Variants in CDH6 observed in about 807,000 individuals in gnomAD.
The protein encoded by CDH6 is cadherin 6.
In CDH6, 31 loss-of-function variants were observed where a neutral mutation model predicts 78.0. That is an observed-to-expected ratio of 0.40 (90% CI 0.30 to 0.54). The LOEUF (loss-of-function observed/expected upper bound fraction) is 0.54. Ranked by LOEUF, CDH6 falls within the 20% of genes least tolerant of loss-of-function variation. The probability of loss-of-function intolerance (pLI) is 0.56; values close to 1 mark genes in which losing one functional copy is unlikely to be tolerated. For missense variants in CDH6, 724 were observed against 975.9 expected, an observed-to-expected ratio of 0.74 and a Z score of 3.44; for synonymous variants, 376 against 368.8, an observed-to-expected ratio of 1.02 and a Z score of -0.23.
At chr5:31,295,597 G>A (rs367838122) in intron 3 of CDH6, among the ~76,000 whole-genome samples, 13 of 152,214 alleles carry the variant, frequency 8.5e-5, no homozygotes, top group African/African-American at 2.9e-4. Flanking sequence ...ATCCTTAATT[G>A]ATATCTCATT....
intron 3 of CDH6, among the ~76,000 whole-genome samples, chr5:31,296,857 G>T (rs1012982255): frequency 6.6e-6 from 1 of 151,940 alleles, no homozygotes; most frequent in East Asian, 1.9e-4. Context: ...AGCACATTAC[G>T]GTCCAAGAAA....
rs776675807 is a variant in CDH6, at chr5:31,316,286, A to C, written c.1469A>C (p.Glu490Ala). ...DVNDNAPEFA[E>A]FYETFVCEKA... ...AATGACAACGCCCCAGAATTTGCTGAGTTCTATGAAACTTTTGTCTGTGAA... is the reference window on the plus strand; with the variant it reads ...AATGACAACGCCCCAGAATTTGCTGCGTTCTATGAAACTTTTGTCTGTGAA... The change falls in exon 9 of 12, where the codon GAG becomes GCG. Residue 490 changes from glutamate (E) to alanine (A), a missense_variant. This residue lies in a region of CDH6 where 446 missense variants were observed against 684.5 expected (regional missense o/e 0.65). Transcript: ENST00000265071. 11 of 1,613,648 alleles carry C rather than the reference A, an allele frequency of 6.8e-6. No homozygotes were observed. Among genetic ancestry groups the C allele is most frequent in the Non-Finnish European group, 9.3e-6 (11 of 1,179,730 alleles).
In CDH6 at chr5:31,215,707, C is replaced by G. The variant is rs184535572; in HGVS notation, c.-129+21821C>G. On this transcript the variant is annotated intron_variant, in intron 1 of 11. Coordinates refer to ENST00000265071, the MANE Select transcript of CDH6 (RefSeq NM_004932.4). ...AAAGCCTTCACCTGGTACTCACCAG[C>G]AGAGTGAGCCTGAGAAATCTCTTTT... is the stretch of plus-strand genomic sequence containing the variant. Among the ~76,000 whole-genome samples, 36 of 152,254 alleles carry G rather than the reference C, an allele frequency of 2.4e-4. 2 individuals carry two copies. The highest frequency in any genetic ancestry group is 7.7e-4 in the African/African-American group (32 of 41,568).
In CDH6 at chr5:31,199,669, A is replaced by G. The variant is rs866378922; in HGVS notation, c.-129+5783A>G. On this transcript the variant is annotated intron_variant, in intron 1 of 11. Coordinates refer to ENST00000265071, the MANE Select transcript of CDH6 (RefSeq NM_004932.4). Reference sequence around the variant, plus strand: ...TGTGTGTGTGTATGTGTGTGTGTGTATGTGTGTGTGTGTGTGTATATATAT... The same window carrying G: ...TGTGTGTGTGTATGTGTGTGTGTGTGTGTGTGTGTGTGTGTGTATATATAT... Among the ~76,000 whole-genome samples, 176 of 94,214 alleles carry G rather than the reference A, an allele frequency of 1.9e-3. 1 individual carries two copies. Among genetic ancestry groups the G allele is most frequent in the Middle Eastern group, 7.1e-3 (1 of 140 alleles). 61.8% of individuals were successfully genotyped at this position (94,214 alleles called of 152,430 possible). A position where few individuals can be genotyped will look rare whatever the true frequency, so the allele number is the denominator to read the frequency against.
At chr5:31,227,126 G>C (rs183001447) in intron 1 of CDH6, among the ~76,000 whole-genome samples, 43 of 152,252 alleles carry the variant, frequency 2.8e-4, no homozygotes, top group African/African-American at 9.9e-4. Flanking sequence ...CTGCCTAGCT[G>C]ATGCTCGGAA....
intron 1 of CDH6, among the ~76,000 whole-genome samples, chr5:31,230,993 T>C (rs913621155): frequency 1.3e-4 from 20 of 152,202 alleles, no homozygotes; most frequent in African/African-American, 2.4e-5. Context: ...CAATATGCTC[T>C]TTTAAATATT....
intron 11 of CDH6, among the ~76,000 whole-genome samples, chr5:31,320,737 C>T (rs775954299): frequency 1.1e-4 from 17 of 152,072 alleles, no homozygotes; most frequent in African/African-American, 2.7e-4. Context: ...CAACACTTTG[C>T]GAGGCCGAGG....
At chr5:31,208,732 C>A (rs12521362) in intron 1 of CDH6, among the ~76,000 whole-genome samples, 5 of 151,842 alleles carry the variant, frequency 3.3e-5, no homozygotes. Context: ...TATGGAAAAC[C>A]CTTATGTATG....
chr5:31,320,669 C>T (rs1738456125), intron 11 of CDH6, among the ~76,000 whole-genome samples: 1 of 152,150 alleles, frequency 6.6e-6, no homozygotes, highest in Admixed American at 6.5e-5. Flanking sequence ...TGCAACCTCC[C>T]TCCGATAACA....
intron 4 of CDH6, among the ~76,000 whole-genome samples, chr5:31,298,189 C>T (rs572293325): frequency 2.0e-5 from 3 of 152,232 alleles, no homozygotes; most frequent in African/African-American, 7.2e-5. Context: ...TTGTTTTTAG[C>T]AAATATCATT....
At chr5:31,310,739 T>C (rs1170245079) in intron 7 of CDH6, among the ~76,000 whole-genome samples, 1 of 152,192 alleles carries the variant, frequency 6.6e-6, no homozygotes, top group African/African-American at 2.4e-5. Flanking sequence ...CCACCAAGCC[T>C]TGGGTCTTGC....
At chr5:31,270,154 A>G (rs1742481273) in intron 2 of CDH6, among the ~76,000 whole-genome samples, 1 of 152,206 alleles carries the variant, frequency 6.6e-6, no homozygotes, top group Non-Finnish European at 1.5e-5. Flanking sequence ...TATCTGGGAT[A>G]AAAGAGACAC....
At chr5:31,263,655 G>A (rs768938864) in intron 1 of CDH6, among the ~76,000 whole-genome samples, 7 of 151,916 alleles carry the variant, frequency 4.6e-5, no homozygotes, top group Non-Finnish European at 7.4e-5. Context: ...CCATGAACAA[G>A]TTAATCCATT....
intron 2 of CDH6, among the ~76,000 whole-genome samples, chr5:31,292,918 C>A (rs1737449284): frequency 6.7e-6 from 1 of 148,312 alleles, no homozygotes; most frequent in African/African-American, 2.5e-5. Flanking sequence ...ATAGTTAGGT[C>A]TAGGTACCAT....
intron 1 of CDH6, among the ~76,000 whole-genome samples, chr5:31,196,819 G>C (rs1417423025): frequency 3.9e-5 from 6 of 151,992 alleles, no homozygotes. Flanking sequence ...AATTAATAAA[G>C]AATTTACCAT....
chr5:31,259,012 T>C (rs964061620), intron 1 of CDH6, among the ~76,000 whole-genome samples: 2 of 152,240 alleles, frequency 1.3e-5, no homozygotes, highest in Non-Finnish European at 2.9e-5. Flanking sequence ...GTTTCTTATC[T>C]GCAGAAATCA....
At chr5:31,254,048 T>G (rs1437949533) in intron 1 of CDH6, among the ~76,000 whole-genome samples, 1 of 152,244 alleles carries the variant, frequency 6.6e-6, no homozygotes, top group Non-Finnish European at 1.5e-5. Context: ...CACACTGTTC[T>G]GGACAGCGTG....
At chr5:31,195,277 G>T (rs1183164239) in intron 1 of CDH6, among the ~76,000 whole-genome samples, 1 of 152,018 alleles carries the variant, frequency 6.6e-6, no homozygotes, top group East Asian at 1.9e-4. Flanking sequence ...TCAAAATGTG[G>T]GCTTTCTGAG....
At chr5:31,287,776 G>A (rs1743048708) in intron 2 of CDH6, among the ~76,000 whole-genome samples, 1 of 152,204 alleles carries the variant, frequency 6.6e-6, no homozygotes, top group Non-Finnish European at 1.5e-5. Context: ...TGATTCTGGA[G>A]GTAGGTGGGG....
Sources: gnomAD v4.1 joint callset for allele counts (sites outside exome capture counted in the v4.1 genomes callset) on GRCh38, gnomAD v4.1.1 for gene constraint, gnomAD v4.1.1 regional missense constraint, MANE v1.5 for transcripts, NCBI Gene and HGNC (gene_info 2026-07-23, HGNC 2026-07-21) for gene names.